Variants in PDE4D observed in about 807,000 individuals in gnomAD.
PDE4D encodes the protein 3',5'-cyclic-AMP phosphodiesterase 4D.
A neutral mutation model predicts 87.4 loss-of-function variants in PDE4D; 24 were observed. The observed-to-expected ratio is 0.27, with a 90% CI of 0.20 to 0.39. PDE4D has a LOEUF of 0.39. PDE4D is among the 10% of genes least tolerant of loss of function. The probability of loss-of-function intolerance (pLI) is 1.00; values close to 1 mark genes in which losing one functional copy is unlikely to be tolerated. For missense variants in PDE4D, 714 were observed against 1,041.0 expected, an observed-to-expected ratio of 0.69 and a Z score of 4.32; for synonymous variants, 384 against 383.2, an observed-to-expected ratio of 1.00 and a Z score of -0.02.
chr5:59,576,855 C>G (rs1823250016), intron 1 of PDE4D, among the ~76,000 whole-genome samples: 1 of 152,148 alleles, frequency 6.6e-6, no homozygotes, highest in African/African-American at 2.4e-5. Context: ...ATATTTTCTT[C>G]TTTTAAAATT....
chr5:59,261,139 T>G (rs563338876), intron 1 of PDE4D, among the ~76,000 whole-genome samples: 6 of 151,990 alleles, frequency 3.9e-5, no homozygotes, highest in African/African-American at 1.4e-4. Context: ...AAACAGGTTT[T>G]CCATTCTTGC....
intron 1 of PDE4D, among the ~76,000 whole-genome samples, chr5:59,848,973 C>T (rs935961391): frequency 6.6e-6 from 1 of 152,032 alleles, no homozygotes; most frequent in East Asian, 1.9e-4. Flanking sequence ...CCCAGGCACA[C>T]AAGGCTGCTC....
chr5:59,651,258 C>CAACAATAATAATAAT (rs551682264), intron 1 of PDE4D, among the ~76,000 whole-genome samples: 3 of 142,258 alleles, frequency 2.1e-5, no homozygotes, highest in Non-Finnish European at 4.6e-5. Flanking sequence ...TCTGTCTCAA[C>CAACAATAATAATAAT]AATAATAATA....
At chr5:59,358,511 C>G (rs752608863) in intron 1 of PDE4D, among the ~76,000 whole-genome samples, 2 of 152,154 alleles carry the variant, frequency 1.3e-5, no homozygotes, top group Non-Finnish European at 2.9e-5. Context: ...GTATGAAATG[C>G]CACCATTATC....
intron 3 of PDE4D, among the ~76,000 whole-genome samples, chr5:59,932,231 T>A (rs1162259480): frequency 3.3e-5 from 5 of 152,198 alleles, no homozygotes. Flanking sequence ...CTGTCAAAAA[T>A]GCAGTTCAAC....
intron 1 of PDE4D, among the ~76,000 whole-genome samples, chr5:59,257,737 G>C (rs1761246815): frequency 1.3e-5 from 2 of 152,040 alleles, no homozygotes; most frequent in Non-Finnish European, 2.9e-5. Context: ...AAATGCTCTT[G>C]TAGTTTAGCA....
intron 1 of PDE4D, among the ~76,000 whole-genome samples, chr5:59,859,101 T>G (rs1174439396): frequency 6.6e-6 from 1 of 152,190 alleles, no homozygotes; most frequent in African/African-American, 2.4e-5. Context: ...CATTATAATC[T>G]TTAGTAAGTA....
chr5:60,022,984 C>T (rs768711583), intron 2 of PDE4D, among the ~76,000 whole-genome samples: 12 of 152,188 alleles, frequency 7.9e-5, no homozygotes, highest in Non-Finnish European at 1.8e-4. Flanking sequence ...CTCGACCTGT[C>T]ACCAGCTCGG....
intron 3 of PDE4D, among the ~76,000 whole-genome samples, chr5:59,955,600 G>A (rs1032727612): frequency 1.7e-4 from 26 of 152,188 alleles, no homozygotes; most frequent in African/African-American, 5.1e-4. Context: ...CCAGTATAGC[G>A]AGGAGCATTT....
At chr5:59,811,615 C>T (rs960823540) in intron 1 of PDE4D, among the ~76,000 whole-genome samples, 1 of 152,210 alleles carries the variant, frequency 6.6e-6, no homozygotes, top group African/African-American at 2.4e-5. Context: ...TCCCCAGCCT[C>T]TCTGCCTTCG....
chr5:59,104,354 C>A (rs1243718700), intron 5 of PDE4D, among the ~76,000 whole-genome samples: 1 of 152,164 alleles, frequency 6.6e-6, no homozygotes, highest in Non-Finnish European at 1.5e-5. Flanking sequence ...CAAAGTCACA[C>A]AGTAAGCGTT....
chr5:60,340,863 C>T (rs1418954443), intron 1 of PDE4D, among the ~76,000 whole-genome samples: 1 of 151,502 alleles, frequency 6.6e-6, no homozygotes, highest in East Asian at 1.9e-4. Flanking sequence ...AGCCTTTGTT[C>T]CTCTGTATGT....
At chr5:60,279,489 T>C (rs1177716894) in intron 1 of PDE4D, among the ~76,000 whole-genome samples, 1 of 152,096 alleles carries the variant, frequency 6.6e-6, no homozygotes, top group Admixed American at 6.6e-5. Context: ...GCTCCCGACA[T>C]GGCTTTTGCA....
At chr5:59,958,971 C>A (rs1054839162) in intron 3 of PDE4D, among the ~76,000 whole-genome samples, 7 of 152,076 alleles carry the variant, frequency 4.6e-5, no homozygotes, top group Admixed American at 1.3e-4. Context: ...GGCTCCTAGA[C>A]CTGATAATGA....
chr5:60,101,240 A>T (rs1776180552), intron 2 of PDE4D, among the ~76,000 whole-genome samples: 1 of 152,052 alleles, frequency 6.6e-6, no homozygotes, highest in African/African-American at 2.4e-5. Context: ...AGAGAAATGA[A>T]ATGAATGCAG....
chr5:60,167,444 A>G (rs951233902), intron 2 of PDE4D, among the ~76,000 whole-genome samples: 2 of 150,534 alleles, frequency 1.3e-5, no homozygotes, highest in African/African-American at 4.9e-5. Context: ...AATTTTTTGT[A>G]TTTTTAGTAG....
intron 1 of PDE4D, among the ~76,000 whole-genome samples, chr5:59,367,373 T>C (rs1783233218): frequency 6.6e-6 from 1 of 152,200 alleles, no homozygotes; most frequent in Non-Finnish European, 1.5e-5. Context: ...AATAGAATGA[T>C]AGATGTTTTT....
chr5:59,312,292 G>A (rs1772842766), intron 1 of PDE4D, among the ~76,000 whole-genome samples: 1 of 152,188 alleles, frequency 6.6e-6, no homozygotes, highest in South Asian at 2.1e-4. Flanking sequence ...GTACTCCTGG[G>A]ACAAGCCCTT....
chr5:59,957,706 A>T (rs1239001492), intron 3 of PDE4D, among the ~76,000 whole-genome samples: 1 of 152,102 alleles, frequency 6.6e-6, no homozygotes, highest in Non-Finnish European at 1.5e-5. Flanking sequence ...GAGGTAGCAG[A>T]CTTCAAATGC....
Sources: allele counts gnomAD v4.1 joint callset (sites outside exome capture counted in the v4.1 genomes callset), GRCh38; gene constraint gnomAD v4.1.1; transcripts MANE v1.5; gene names NCBI Gene and HGNC (gene_info 2026-07-23, HGNC 2026-07-21).